Variants in ADSL observed in about 807,000 individuals in gnomAD.
ADSL encodes the protein adenylosuccinate lyase.
A neutral mutation model predicts 62.1 loss-of-function variants in ADSL; 44 were observed. The observed-to-expected ratio is 0.71, with a 90% CI of 0.56 to 0.91. The LOEUF is 0.91. Ranked by LOEUF, ADSL falls within the 40% of genes least tolerant of loss-of-function variation. The probability of loss-of-function intolerance (pLI) is 0.00; values close to 1 mark genes in which losing one functional copy is unlikely to be tolerated. For synonymous variants in ADSL, 198 were observed against 220.5 expected (o/e 0.90, Z 0.90); for missense variants, 531 against 627.4 (o/e 0.85, Z 1.64).
At position 40,366,653 on chromosome 22, in the gene ADSL, T is replaced by C; in HGVS notation, c.*131T>C. 6.9e-6 allele frequency: 5 copies of C among 720,328 alleles called. No homozygotes were observed. The highest frequency in any genetic ancestry group is 2.1e-5 in the Admixed American group (1 of 47,626). The allele number at this position is 720,328 out of a possible 1,614,324, so 44.6% of individuals were successfully genotyped here. A position where few individuals can be genotyped will look rare whatever the true frequency, so the allele number is the denominator to read the frequency against. Reference sequence around the variant, plus strand: ...CAGCACTTTCTTCTTCCCATGGTGCTTTCCTGTTTCTCAGTCTCACATTTC... The same window carrying C: ...CAGCACTTTCTTCTTCCCATGGTGCCTTCCTGTTTCTCAGTCTCACATTTC... On this transcript the variant is annotated 3_prime_UTR_variant, in exon 13 of 13. Transcript: ENST00000623063.
intron 3 of ADSL, among the ~76,000 whole-genome samples, chr22:40,353,621 CTTTTTTTTTTT>C (rs772788908): frequency 8.7e-6 from 1 of 114,804 alleles, no homozygotes; most frequent in Non-Finnish European, 1.8e-5. Flanking sequence ...AAAGCATAGC[CTTTTTTTTTTT>C]TTTTTTTTTT....
chr22:40,382,127 C>T (rs1283412067), intron 2 of ADSL, among the ~76,000 whole-genome samples: 1 of 151,972 alleles, frequency 6.6e-6, no homozygotes, highest in African/African-American at 2.4e-5. Flanking sequence ...AGAGTGGTGC[C>T]TGCCATGTGA....
At chr22:40,365,201 GGTTTTGTTTCTGTTTT>G in intron 12 of ADSL, 145 bp downstream of exon 12, 1 of 922,898 alleles carries the variant, frequency 1.1e-6, no homozygotes, top group East Asian at 2.6e-5. Context: ...TAGATATTTC[GGTTTTGTTTCTGTTTT>G]GTTTTGTTTT....
chr22:40,350,128 T>A, intron 2 of ADSL, 93 bp downstream of exon 2: 1 of 1,238,326 alleles, frequency 8.1e-7, no homozygotes, highest in Non-Finnish European at 1.2e-6. Flanking sequence ...AGTGACACTA[T>A]AGATCTTTTT....
chr22:40,363,204 T>C (rs2044861586), intron 10 of ADSL, 133 bp downstream of exon 10: 2 of 807,208 alleles, frequency 2.5e-6, no homozygotes, highest in South Asian at 1.4e-5. Context: ...CATCCTTCAG[T>C]TCATAAGCTC....
chr22:40,381,729 A>G (rs1425143331), intron 2 of ADSL, among the ~76,000 whole-genome samples: 1 of 152,124 alleles, frequency 6.6e-6, no homozygotes, highest in Non-Finnish European at 1.5e-5. Context: ...CCAAGGTGGG[A>G]GGATTCCTTG....
Position 40,346,705 on chromosome 22 carries a change from C to A in ADSL, c.147C>A (p.Ala49=), listed in dbSNP as rs761172321. The A allele has an allele frequency of 1.2e-6, 2 of 1,604,702 alleles. No individual in the cohort carries two copies. The highest frequency in any genetic ancestry group is 1.3e-5 in the African/African-American group (1 of 74,950). The change falls in exon 1 of 13, where the codon GCC becomes GCA. Residue 49 remains alanine, a synonymous_variant. Transcript: ENST00000623063. ...WRQLWLWLAE[A]EQTLGLPITD... is the part of the protein sequence containing the mutation. ...AGCTGTGGCTGTGGCTGGCGGAGGC[C>A]GAGCAGGTAACGGATCCCGGGCTGA... is the stretch of plus-strand genomic sequence containing the variant.
chr22:40,386,221 G>T (rs1179582970), intron 2 of ADSL, among the ~76,000 whole-genome samples: 1 of 152,072 alleles, frequency 6.6e-6, no homozygotes, highest in Non-Finnish European at 1.5e-5. Context: ...GCAAAAAGTT[G>T]TCATTAATTC....
Position 40,353,146 on chromosome 22 carries a change from A to G in ADSL, c.402+29A>G, listed in dbSNP as rs750076517. On this transcript the variant is annotated intron_variant, in intron 3 of 12. Transcript: ENST00000623063. ...AGGAGTTGGCAGATGTTTCCTACCA[A>G]CCCTAGATTCCCTATGTTAGGAGAT... 43 of 1,593,944 alleles carry G rather than the reference A, an allele frequency of 2.7e-5. No individual in the cohort carries two copies. The South Asian group carries it at 3.4e-4, about 13-fold the overall frequency.
intron 7 of ADSL, 151 bp downstream of exon 7, chr22:40,360,643 G>T: frequency 1.6e-6 from 1 of 627,954 alleles, no homozygotes. Context: ...ACCCTTAAGG[G>T]GAAGACTCGT....
At chr22:40,352,928 G>A in intron 2 of ADSL, 145 bp from the exon 3 acceptor site, 1 of 690,072 alleles carries the variant, frequency 1.4e-6, no homozygotes, top group Non-Finnish European at 2.7e-6. Flanking sequence ...ACTTGTGTTA[G>A]TATTTTCTGG....
At chr22:40,359,081 C>A (rs753265414) in intron 5 of ADSL, 46 bp downstream of exon 5, 1 of 1,609,672 alleles carries the variant, frequency 6.2e-7, no homozygotes, top group Non-Finnish European at 8.5e-7. Flanking sequence ...AATGGTGGAG[C>A]CTAAGAGACA....
At chr22:40,355,740 G>A (rs1460172258) in intron 4 of ADSL, among the ~76,000 whole-genome samples, 1 of 152,154 alleles carries the variant, frequency 6.6e-6, no homozygotes, top group Non-Finnish European at 1.5e-5. Context: ...AGTTAACAAG[G>A]AAAACAGTAA....
intron 12 of ADSL, among the ~76,000 whole-genome samples, chr22:40,365,735 G>T (rs899535261): frequency 1.3e-5 from 2 of 151,964 alleles, no homozygotes; most frequent in African/African-American, 4.8e-5. Flanking sequence ...GCCAGGTGTG[G>T]TGGTGTGCGC....
Position 40,358,638 on chromosome 22 carries a change from G to A in ADSL, c.483-226G>A, listed in dbSNP as rs17001854. 7.5e-3 allele frequency among the ~76,000 whole-genome samples: 1,146 copies of A among 152,192 alleles called. 14 individuals carry two copies. Among genetic ancestry groups the A allele is most frequent in the African/African-American group, 0.026 (1,073 of 41,518 alleles). ...TGATGAAGAAAGTACTATGCTAATC[G>A]CCTTTTAGTTTCATACTCCTTGACT... On this transcript the variant is annotated intron_variant, in intron 4 of 12. Coordinates refer to ENST00000623063, the MANE Select transcript of ADSL (RefSeq NM_000026.4).
At chr22:40,361,682 G>A in intron 9 of ADSL, 47 bp downstream of exon 9, 1 of 1,602,532 alleles carries the variant, frequency 6.2e-7, no homozygotes, top group Non-Finnish European at 8.5e-7. Flanking sequence ...GTGGAGGTCT[G>A]AAGGAGGGAC....
intron 3 of ADSL, chr22:40,353,990 G>A (rs2044453339): frequency 3.6e-6 from 2 of 549,788 alleles, no homozygotes; most frequent in Admixed American, 6.2e-5. Flanking sequence ...TGTGGGTCAG[G>A]ATTATGATTT....
downstream of ADSL, among the ~76,000 whole-genome samples, chr22:40,371,200 G>A (rs1601622347): frequency 6.6e-6 from 1 of 152,244 alleles, no homozygotes; most frequent in Non-Finnish European, 1.5e-5. Context: ...TAGCACGGGG[G>A]AAACTGAGGC....
At chr22:40,385,071 T>C (rs1466760095) in intron 2 of ADSL, among the ~76,000 whole-genome samples, 2 of 152,204 alleles carry the variant, frequency 1.3e-5, no homozygotes, top group Non-Finnish European at 2.9e-5. Context: ...CAATATGGTC[T>C]GTGCCCTCAG....
Sources: gnomAD v4.1 joint callset for allele counts (sites outside exome capture counted in the v4.1 genomes callset) on GRCh38, gnomAD v4.1.1 for gene constraint, MANE v1.5 for transcripts, NCBI Gene and HGNC (gene_info 2026-07-23, HGNC 2026-07-21) for gene names.